ZRANB3: variants seen among roughly 807,000 people sequenced by gnomAD.
ZRANB3 encodes DNA annealing helicase and endonuclease ZRANB3.
ZRANB3 carries 125 observed loss-of-function variants against 133.8 expected under a neutral mutation model. The ratio of observed to expected loss-of-function variants is 0.93; its 90% confidence interval spans 0.81 to 1.08. The LOEUF is 1.08. ZRANB3 is among the 50% of genes least tolerant of loss of function. The pLI is 0.00. For synonymous variants in ZRANB3, 387 were observed against 432.7 expected (o/e 0.89, Z 1.31); for missense variants, 1,229 against 1,275.5 (o/e 0.96, Z 0.56).
At chr2:135,426,063 C>G (rs1393753260) in intron 2 of ZRANB3, among the ~76,000 whole-genome samples, 1 of 152,000 alleles carries the variant, frequency 6.6e-6, no homozygotes, top group Non-Finnish European at 1.5e-5. Flanking sequence ...TTACTGACAG[C>G]AAACAAACTA....
intron 3 of ZRANB3, among the ~76,000 whole-genome samples, chr2:135,376,940 A>G (rs1209713669): frequency 6.6e-6 from 1 of 152,210 alleles, no homozygotes; most frequent in African/African-American, 2.4e-5. Context: ...TCACTGGAGG[A>G]TGTGGGGGAA....
At chr2:135,511,015 T>C in intron 1 of ZRANB3, 4 of 781,442 alleles carry the variant, frequency 5.1e-6, no homozygotes, top group Middle Eastern at 4.9e-4. Flanking sequence ...TGGGGAGGAA[T>C]ATTTCTTCGT....
intron 15 of ZRANB3, among the ~76,000 whole-genome samples, chr2:135,221,877 T>C (rs113552354): frequency 6.6e-6 from 1 of 152,192 alleles, no homozygotes; most frequent in Non-Finnish European, 1.5e-5. Flanking sequence ...CTCTCAGTTA[T>C]TGTCCATGCT....
Position 135,342,261 on chromosome 2 carries a change from G to A in ZRANB3, c.677+3289C>T, listed in dbSNP as rs960380048. ...AACCTACATTGAAATATTGGGGGCCGGTTCCCCCAATAGTGATCTGCCCAC... is the reference window on the plus strand; with the variant it reads ...AACCTACATTGAAATATTGGGGGCCAGTTCCCCCAATAGTGATCTGCCCAC... On this transcript the variant is annotated intron_variant, in intron 6 of 20. Transcript: ENST00000264159. 1.5e-4 allele frequency among the ~76,000 whole-genome samples: 23 copies of A among 149,764 alleles called. 1 individual carries two copies. The highest frequency in any genetic ancestry group is 4.3e-4 in the African/African-American group (17 of 39,172).
At chr2:135,223,899 A>G (rs955650770) in intron 15 of ZRANB3, among the ~76,000 whole-genome samples, 1 of 152,214 alleles carries the variant, frequency 6.6e-6, no homozygotes, top group Non-Finnish European at 1.5e-5. Context: ...GCAAGTGATC[A>G]TTGCAGGAAT....
intron 2 of ZRANB3, among the ~76,000 whole-genome samples, chr2:135,497,345 A>G (rs1445716291): frequency 1.3e-5 from 2 of 152,226 alleles, no homozygotes; most frequent in African/African-American, 4.8e-5. Context: ...ATTTATTATA[A>G]AGCTACGCTA....
intron 4 of ZRANB3, among the ~76,000 whole-genome samples, chr2:135,352,916 T>C (rs1017622864): frequency 6.6e-6 from 1 of 152,140 alleles, no homozygotes; most frequent in Non-Finnish European, 1.5e-5. Flanking sequence ...AAAAAAATAC[T>C]AACACTATAA....
chr2:135,201,736 A>G (rs1183907622), intron 20 of ZRANB3, among the ~76,000 whole-genome samples: 2 of 152,134 alleles, frequency 1.3e-5, no homozygotes, highest in African/African-American at 2.4e-5. Flanking sequence ...AATAGTACTC[A>G]AAAGTTTAAA....
At chr2:135,524,931 A>C (rs940656946) in intron 1 of ZRANB3, among the ~76,000 whole-genome samples, 2 of 152,072 alleles carry the variant, frequency 1.3e-5, no homozygotes, top group African/African-American at 4.8e-5. Flanking sequence ...AAAATACAAA[A>C]ATGTTTTAAT....
chr2:135,479,702 A>AC (rs1375796148), intron 2 of ZRANB3, among the ~76,000 whole-genome samples: 2 of 152,054 alleles, frequency 1.3e-5, no homozygotes, highest in East Asian at 3.9e-4. Flanking sequence ...ATACACGCAT[A>AC]CATAACACTT....
intron 8 of ZRANB3, among the ~76,000 whole-genome samples, chr2:135,302,190 T>C (rs1375651798): frequency 6.6e-6 from 1 of 152,198 alleles, no homozygotes; most frequent in East Asian, 1.9e-4. Flanking sequence ...CTCTACTAAA[T>C]ATCAGTAATA....
In ZRANB3 at chr2:135,207,564, G is replaced by T; in HGVS notation, c.2879C>A (p.Thr960Asn). ...ACAGAGCTGACACACACCATGTTCA[G>T]TTTCAAATACTTTGGCTCTCAGGTA... Reference protein sequence around the residue: ...NSYLRAKVFETEHGVCQLCNV... With the variant: ...NSYLRAKVFENEHGVCQLCNV... Residue 960 changes from threonine to asparagine, a missense_variant, in exon 19 of 21, where the codon ACT becomes AAT. Transcript: ENST00000264159. The T allele has an allele frequency of 1.9e-6, 3 of 1,614,038 alleles. No homozygotes were observed. The highest frequency in any genetic ancestry group is 2.5e-6 in the Non-Finnish European group (3 of 1,179,894).
intron 2 of ZRANB3, among the ~76,000 whole-genome samples, chr2:135,408,719 G>C (rs571879593): frequency 6.6e-6 from 1 of 151,894 alleles, no homozygotes; most frequent in East Asian, 1.9e-4. Context: ...GCAAACTATC[G>C]CAAGGACAAA....
chr2:135,198,917 G>A lies in ZRANB3; in HGVS notation c.*1425C>T, dbSNP rs183666947. ...TGTAAAACACTAGCTATTAATTAACGTGGGAAAATGCTCAAACTAAAGAGG... is the reference window on the plus strand; with the variant it reads ...TGTAAAACACTAGCTATTAATTAACATGGGAAAATGCTCAAACTAAAGAGG... On this transcript the variant is annotated 3_prime_UTR_variant, in exon 21 of 21. Coordinates refer to ENST00000264159, the MANE Select transcript of ZRANB3 (RefSeq NM_032143.4). The A allele has an allele frequency of 1.2e-4, 18 of 152,154 alleles. No homozygotes were observed. Among genetic ancestry groups the A allele is most frequent in the East Asian group, 3.9e-4 (2 of 5,180 alleles). 9.4% of individuals were successfully genotyped at this position (152,154 alleles called of 1,614,324 possible).
intron 2 of ZRANB3, among the ~76,000 whole-genome samples, chr2:135,443,457 A>G (rs969345028): frequency 6.6e-6 from 1 of 152,130 alleles, no homozygotes; most frequent in African/African-American, 2.4e-5. Flanking sequence ...GGGTGCAGCA[A>G]AACAACATGG....
At position 135,248,022 on chromosome 2, in the gene ZRANB3, C is replaced by T. The variant is rs182276824; in HGVS notation, c.1540-17095G>A. On this transcript the variant is annotated intron_variant, in intron 12 of 20. Coordinates refer to ENST00000264159, the MANE Select transcript of ZRANB3 (RefSeq NM_032143.4). ...CAGGTGCCTTTGGACCAGCAACAGG[C>T]CTGTACCTCCCTGGGATGAAGCTCC... Among the ~76,000 whole-genome samples the T allele has an allele frequency of 8.5e-5, 13 of 152,284 alleles. No homozygotes were observed. In the East Asian group the frequency reaches 2.3e-3, roughly 27 times the overall value.
chr2:135,268,230 T>C (rs1307892469), intron 11 of ZRANB3, among the ~76,000 whole-genome samples: 3 of 152,038 alleles, frequency 2.0e-5, no homozygotes, highest in Non-Finnish European at 4.4e-5. Flanking sequence ...AATGGTGCGA[T>C]CTTAGCTCAC....
At chr2:135,465,977 G>C (rs1380796605) in intron 2 of ZRANB3, among the ~76,000 whole-genome samples, 1 of 152,164 alleles carries the variant, frequency 6.6e-6, no homozygotes, top group Non-Finnish European at 1.5e-5. Flanking sequence ...TCACCTAACA[G>C]ACATTTTGCA....
At chr2:135,202,113 A>G (rs1206950656) in intron 20 of ZRANB3, among the ~76,000 whole-genome samples, 1 of 152,226 alleles carries the variant, frequency 6.6e-6, no homozygotes, top group Non-Finnish European at 1.5e-5. Flanking sequence ...ACTACAGTAG[A>G]GATCTGCTCA....
Sources: gnomAD v4.1 joint callset for allele counts (sites outside exome capture counted in the v4.1 genomes callset) on GRCh38, gnomAD v4.1.1 for gene constraint, MANE v1.5 for transcripts, NCBI Gene and HGNC (gene_info 2026-07-23, HGNC 2026-07-21) for gene names.